Variants in RIMS1 observed in about 807,000 individuals in gnomAD.
RIMS1 encodes the protein regulating synaptic membrane exocytosis 1, also known as regulating synaptic membrane exocytosis protein 1.
RIMS1 carries 83 observed loss-of-function variants against 214.1 expected under a neutral mutation model. That is an observed-to-expected ratio of 0.39 (90% confidence interval 0.32 to 0.47). The LOEUF is 0.47. Among genes scored for constraint, RIMS1 ranks in the 20% least tolerant of loss-of-function variants. The pLI, the probability that RIMS1 is intolerant of heterozygous loss-of-function variation, is 0.99. For missense variants in RIMS1, 2,050 were observed against 2,161.8 expected, an observed-to-expected ratio of 0.95 and a Z score of 1.03; for synonymous variants, 793 against 786.8, an observed-to-expected ratio of 1.01 and a Z score of -0.13.
chr6:72,126,907 A>T (rs1476948726), intron 4 of RIMS1, among the ~76,000 whole-genome samples: 1 of 152,182 alleles, frequency 6.6e-6, no homozygotes, highest in African/African-American at 2.4e-5. Context: ...GTGCCATATG[A>T]TTCAGCAATC....
rs546896621 is a variant in RIMS1, at chr6:72,122,561, C to T, written c.471+22575C>T. Among the ~76,000 whole-genome samples the T allele has an allele frequency of 1.6e-4, 24 of 151,882 alleles. 3 individuals are homozygous for T. The highest frequency in any genetic ancestry group is 2.6e-4 in the Admixed American group (4 of 15,210). ...GTTTCAGAAGGAATGGTACCAGCTC[C>T]TCTTTGTGCCTCTGGTGGAATTTGG... On this transcript the variant is annotated intron_variant, in intron 4 of 33. Transcript: ENST00000521978.
chr6:72,229,992 G>T (rs141726284), intron 6 of RIMS1, among the ~76,000 whole-genome samples: 8 of 151,738 alleles, frequency 5.3e-5, no homozygotes, highest in African/African-American at 1.7e-4. Context: ...AACATATTTT[G>T]TACAATGCTT....
chr6:72,068,131 A>G (rs1330814449), intron 2 of RIMS1, among the ~76,000 whole-genome samples: 19 of 151,660 alleles, frequency 1.3e-4, no homozygotes, highest in Admixed American at 1.2e-3. Context: ...GAAGAAAAAA[A>G]CATCCCACAG....
chr6:72,128,664 C>T (rs2153837215), intron 4 of RIMS1, among the ~76,000 whole-genome samples: 1 of 152,286 alleles, frequency 6.6e-6, no homozygotes, highest in East Asian at 1.9e-4. Flanking sequence ...GTCCCTGAGA[C>T]AAATAAATCA....
At chr6:72,114,194 G>GT (rs2036632553) in intron 4 of RIMS1, among the ~76,000 whole-genome samples, 1 of 152,008 alleles carries the variant, frequency 6.6e-6, no homozygotes, top group African/African-American at 2.4e-5. Context: ...GTAAATGTAA[G>GT]TAAGTCAAAA....
intron 4 of RIMS1, among the ~76,000 whole-genome samples, chr6:72,138,435 C>CG (rs1307443916): frequency 6.6e-6 from 1 of 152,056 alleles, no homozygotes. Flanking sequence ...AAAAACTAAT[C>CG]TACTTTTTAT....
chr6:72,156,804 A>T (rs2044501854), intron 4 of RIMS1, among the ~76,000 whole-genome samples: 1 of 141,012 alleles, frequency 7.1e-6, no homozygotes, highest in African/African-American at 2.5e-5. Flanking sequence ...ATGCAAATGG[A>T]TTAATGTGAA....
At chr6:71,920,182 A>T (rs1278964398) in intron 1 of RIMS1, among the ~76,000 whole-genome samples, 3 of 152,218 alleles carry the variant, frequency 2.0e-5, no homozygotes, top group Non-Finnish European at 4.4e-5. Context: ...TTCAGAGAAG[A>T]TTCATTCACA....
At chr6:72,187,342 C>T (rs929474477) in intron 6 of RIMS1, among the ~76,000 whole-genome samples, 3 of 152,060 alleles carry the variant, frequency 2.0e-5, no homozygotes, top group Non-Finnish European at 2.9e-5. Flanking sequence ...TGTAAAAAGT[C>T]AAATGGCGGG....
intron 4 of RIMS1, among the ~76,000 whole-genome samples, chr6:72,125,863 G>A (rs1291601255): frequency 6.6e-6 from 1 of 152,296 alleles, no homozygotes; most frequent in East Asian, 1.9e-4. Flanking sequence ...ATTAGGGAGG[G>A]AGAGTCCCGA....
chr6:72,074,884 T>C (rs1191054339), intron 2 of RIMS1, among the ~76,000 whole-genome samples: 1 of 152,142 alleles, frequency 6.6e-6, no homozygotes, highest in Admixed American at 6.5e-5. Context: ...AGACATGAAG[T>C]CTATGGATTA....
chr6:72,292,714 A>C (rs1285818998), intron 26 of RIMS1, among the ~76,000 whole-genome samples: 1 of 152,156 alleles, frequency 6.6e-6, no homozygotes, highest in Non-Finnish European at 1.5e-5. Context: ...CATGTGACCC[A>C]AAGTGCTATC....
At chr6:72,283,246 A>T (rs1001214955) in intron 23 of RIMS1, among the ~76,000 whole-genome samples, 1 of 152,044 alleles carries the variant, frequency 6.6e-6, no homozygotes, top group Admixed American at 6.6e-5. Context: ...ATTTTACATT[A>T]CTTATTTCAA....
At chr6:72,328,914 C>T (rs2096571068) in intron 28 of RIMS1, among the ~76,000 whole-genome samples, 1 of 151,832 alleles carries the variant, frequency 6.6e-6, no homozygotes, top group Non-Finnish European at 1.5e-5. Flanking sequence ...TGACAGATTT[C>T]ACCCATAGGT....
chr6:72,003,866 C>A (rs1806289393), intron 2 of RIMS1, among the ~76,000 whole-genome samples: 1 of 150,180 alleles, frequency 6.7e-6, no homozygotes, highest in Non-Finnish European at 1.5e-5. Context: ...ATTTTCCTTT[C>A]TTTTTTTTAA....
rs557264267 is a variant in RIMS1, at chr6:72,075,277, C to A, written c.246-21672C>A. ...AAAAAACAAAACAAAACAAAACAAA[C>A]AAAAAAAACGTGTAGAGAGAGTGTC... On this transcript the variant is annotated intron_variant, in intron 2 of 33. Coordinates refer to ENST00000521978, the MANE Select transcript of RIMS1 (RefSeq NM_014989.7). Among the ~76,000 whole-genome samples the A allele has an allele frequency of 2.1e-3, 326 of 151,662 alleles. 1 individual carries two copies. The highest frequency in any genetic ancestry group is 7.2e-3 in the African/African-American group (298 of 41,358).
At chr6:72,391,595 G>T (rs1384194957) in intron 30 of RIMS1, among the ~76,000 whole-genome samples, 1 of 151,886 alleles carries the variant, frequency 6.6e-6, no homozygotes, top group Non-Finnish European at 1.5e-5. Flanking sequence ...TGTCTTTACT[G>T]GAATTTTTCT....
intron 6 of RIMS1, among the ~76,000 whole-genome samples, chr6:72,233,280 A>T (rs936438524): frequency 1.3e-5 from 2 of 151,912 alleles, no homozygotes; most frequent in East Asian, 3.9e-4. Flanking sequence ...TTTACTCATC[A>T]CTGTGTCCCA....
At chr6:71,981,419 C>G (rs1018637857) in intron 2 of RIMS1, among the ~76,000 whole-genome samples, 2 of 152,120 alleles carry the variant, frequency 1.3e-5, no homozygotes, top group African/African-American at 4.8e-5. Flanking sequence ...TCTTCTTGCT[C>G]AATCTTGGGC....
Sources: allele counts gnomAD v4.1 joint callset (sites outside exome capture counted in the v4.1 genomes callset), GRCh38; gene constraint gnomAD v4.1.1; transcripts MANE v1.5; gene names NCBI Gene and HGNC (gene_info 2026-07-23, HGNC 2026-07-21).